MLST8: variants seen among roughly 807,000 people sequenced by gnomAD.
MLST8 encodes the protein MTOR associated protein MLST8.
A neutral mutation model predicts 41.3 loss-of-function variants in MLST8; 20 were observed. The ratio of observed to expected loss-of-function variants is 0.48; its 90% CI spans 0.34 to 0.70. The LOEUF is 0.70. MLST8 is among the 30% of genes least tolerant of loss of function. The pLI, the probability that MLST8 is intolerant of heterozygous loss-of-function variation, is 0.01. For missense variants in MLST8, 422 were observed against 454.3 expected (o/e 0.93, Z 0.65); for synonymous variants, 243 against 183.0 (o/e 1.33, Z -2.65).
intron 7 of MLST8, 51 bp from the exon 8 acceptor site, chr16:2,208,399 G>A (rs776991862): frequency 6.2e-7 from 1 of 1,608,146 alleles, no homozygotes; most frequent in Non-Finnish European, 8.5e-7. Context: ...GAGGGGAGGG[G>A]CTGCTGGATG....
intron 6 of MLST8, 168 bp downstream of exon 6, chr16:2,207,513 G>A (rs1001207212): frequency 1.7e-5 from 13 of 783,834 alleles, no homozygotes; most frequent in African/African-American, 1.4e-4. Context: ...TGTCGCTCCC[G>A]ATGGCTTAGT....
rs758520564 is a variant in MLST8, at chr16:2,209,389, C to CTGT, written c.*512_*513insTGT. ...AGTCTGGGAGGTAATAAAAGCAGAC[C>CTGT]GACACGCAGATGTTGCTCGGGAAGC... On this transcript the variant is annotated 3_prime_UTR_variant, in exon 9 of 9. Transcript: ENST00000569417. 6.2e-7 allele frequency: 1 copy of CTGT among 1,613,642 alleles called. No homozygotes were observed. Among genetic ancestry groups the CTGT allele is most frequent in the Non-Finnish European group, 8.5e-7 (1 of 1,179,862 alleles).
chr16:2,206,010 A>AGATC, intron 1 of MLST8, 21 bp from the exon 2 acceptor site: 1 of 1,515,218 alleles, frequency 6.6e-7, no homozygotes, highest in East Asian at 2.3e-5. Flanking sequence ...TCTTCTAAGT[A>AGATC]CTTCACATCC....
In MLST8 at chr16:2,206,116, G is replaced by T; in HGVS notation, c.31G>T (p.Asp11Tyr). 6.2e-7 allele frequency: 1 copy of T among 1,609,516 alleles called. No homozygotes were observed. Among genetic ancestry groups the T allele is most frequent in the South Asian group, 1.1e-5 (1 of 90,856 alleles). ...CACCTCCCCAGGCACGGTGGGCAGT[G>T]ACCCGGTCATCCTGGCCACTGCAGG... Reference protein sequence around the residue: MNTSPGTVGSDPVILATAGYD... With the variant: MNTSPGTVGSYPVILATAGYD... The change falls in exon 2 of 9, where the codon GAC (aspartate) becomes TAC (tyrosine). Residue 11 changes from aspartate (D) to tyrosine (Y), a missense_variant. Physicochemically the swap from Asp to Tyr is radical, Grantham distance 160. Coordinates refer to ENST00000569417, the MANE Select transcript of MLST8 (RefSeq NM_022372.6).
chr16:2,208,641 C>T (rs780675646), intron 8 of MLST8, 28 bp downstream of exon 8: 2 of 1,611,926 alleles, frequency 1.2e-6, no homozygotes, highest in Non-Finnish European at 1.7e-6. Context: ...CTCCCCCATC[C>T]CTGGCCCCCG....
chr16:2,206,367 G>A lies in MLST8; in HGVS notation c.139G>A (p.Ala47Thr), dbSNP rs1057489709. ...TVQHQDSQVN[A>T]LEVTPDRSMI... is the part of the protein sequence containing the mutation. ...TCCTTAACAGTCCCAGCAGGTGAAT[G>A]CCTTGGAGGTCACACCGGACCGCAG... Residue 47 changes from alanine (A) to threonine (T), a missense_variant, in exon 3 of 9, where the codon GCC (alanine) becomes ACC (threonine). Ala to Thr is a moderately conservative substitution (Grantham distance 58). Transcript: ENST00000569417. 6.2e-7 allele frequency: 1 copy of A among 1,613,964 alleles called. No individual in the cohort carries two copies. The highest frequency in any genetic ancestry group is 1.3e-5 in the African/African-American group (1 of 74,940).
At chr16:2,206,734 T>C in intron 4 of MLST8, 75 bp downstream of exon 4, 1 of 1,541,274 alleles carries the variant, frequency 6.5e-7, no homozygotes, top group Non-Finnish European at 8.9e-7. Context: ...TTGGGTTCTC[T>C]TCAAGCAGAG....
chr16:2,207,014 G>T, intron 4 of MLST8, 21 bp from the exon 5 acceptor site: 1 of 1,612,182 alleles, frequency 6.2e-7, no homozygotes, highest in Middle Eastern at 1.7e-4. Context: ...TGGACAGCAT[G>T]TGCCCCGGCC....
intron 6 of MLST8, chr16:2,207,877 C>T (rs1014585628): frequency 3.6e-6 from 1 of 274,666 alleles, no homozygotes; most frequent in Non-Finnish European, 6.9e-6. Flanking sequence ...GTACCTCTTG[C>T]CCCCGGATTT....
chr16:2,205,659 C>T (rs1415378512), intron 1 of MLST8, 147 bp downstream of exon 1: 6 of 987,386 alleles, frequency 6.1e-6, no homozygotes, highest in African/African-American at 5.2e-5. Context: ...CGCCCTTTCC[C>T]ATCAGGGCCT....
chr16:2,206,905 C>T lies in MLST8; in HGVS notation c.345-130C>T, dbSNP rs1429101737. On this transcript the variant is annotated intron_variant, in intron 4 of 8. Coordinates refer to ENST00000569417, the MANE Select transcript of MLST8 (RefSeq NM_022372.6). ...AGGCTCCCTGCTGGAGCAGAGGGCC[C>T]TGCGTCCCAAGTATTTCCCAAGAGG... 3.1e-6 allele frequency: 4 copies of T among 1,271,310 alleles called. No homozygotes were observed. The African/African-American group carries it at 4.4e-5, about 14-fold the overall frequency. The allele number at this position is 1,271,310 out of a possible 1,614,324, so 78.8% of individuals were successfully genotyped here. A position where few individuals can be genotyped will look rare whatever the true frequency, so the allele number is the denominator to read the frequency against.
At chr16:2,208,054 C>G in intron 6 of MLST8, 156 bp from the exon 7 acceptor site, 3 of 803,662 alleles carry the variant, frequency 3.7e-6, no homozygotes, top group Non-Finnish European at 5.6e-6. Context: ...CCAGGCTTCC[C>G]AGGTGCCTTC....
In MLST8 at chr16:2,208,969, C is replaced by T; in HGVS notation, c.*92C>T. 7.1e-7 allele frequency: 1 copy of T among 1,402,216 alleles called. No homozygotes were observed. The highest frequency in any genetic ancestry group is 9.9e-7 in the Non-Finnish European group (1 of 1,007,686). The allele number at this position is 1,402,216 out of a possible 1,614,324, so 86.9% of individuals were successfully genotyped here. On this transcript the variant is annotated 3_prime_UTR_variant, in exon 9 of 9. Coordinates refer to ENST00000569417, the MANE Select transcript of MLST8 (RefSeq NM_022372.6). Reference sequence around the variant, plus strand: ...TCAGAGCAGACCCTCCCCTGCCGGCCTGCGCCAGCTGGACCTGATGGCCCC... The same window carrying T: ...TCAGAGCAGACCCTCCCCTGCCGGCTTGCGCCAGCTGGACCTGATGGCCCC...
chr16:2,207,174 C>T lies in MLST8; in HGVS notation c.421-19C>T. 2 of 1,613,190 alleles carry T rather than the reference C, an allele frequency of 1.2e-6. No individual in the cohort carries two copies. Among genetic ancestry groups the T allele is most frequent in the Non-Finnish European group, 8.5e-7 (1 of 1,179,308 alleles). ...GGAGGGCTGGGCTTGGGCCCTGCCT[C>T]ACCACCCCTGCACCCCAGGCAGAGC... On this transcript the variant is annotated intron_variant, in intron 5 of 8. Transcript: ENST00000569417.
At position 2,208,430 on chromosome 16, in the gene MLST8, G is replaced by A. The variant is rs765509893; in HGVS notation, c.699-20G>A. On this transcript the variant is annotated intron_variant, in intron 7 of 8. Transcript: ENST00000569417. ...GGATGGAGTGGCTGCTGCTGGACACGCCCCATGCCCACCCACTAGGCTCCT... is the reference window on the plus strand; with the variant it reads ...GGATGGAGTGGCTGCTGCTGGACACACCCCATGCCCACCCACTAGGCTCCT... 29 of 1,610,956 alleles carry A rather than the reference G, an allele frequency of 1.8e-5. No individual in the cohort carries two copies. The highest frequency in any genetic ancestry group is 2.7e-5 in the African/African-American group (2 of 74,844).
intron 8 of MLST8, 28 bp downstream of exon 8, chr16:2,208,641 CCTGGCCCCCGGCG>C (rs2093345523): frequency 1.9e-6 from 3 of 1,611,926 alleles, no homozygotes; most frequent in Middle Eastern, 3.3e-4. Flanking sequence ...CTCCCCCATC[CCTGGCCCCCGGCG>C]CTGGCCTCCA....
rs767448333 is a variant in MLST8, at chr16:2,208,509, C to T, written c.758C>T (p.Ser253Phe). 6.8e-6 allele frequency: 11 copies of T among 1,613,252 alleles called. No homozygotes were observed. Among genetic ancestry groups the T allele is most frequent in the Non-Finnish European group, 6.8e-6 (8 of 1,179,918 alleles). The change falls in exon 8 of 9, where the codon TCC becomes TTC. Residue 253 changes from serine (S) to phenylalanine (F), a missense_variant. Ser to Phe is a radical substitution (Grantham distance 155). Coordinates refer to ENST00000569417, the MANE Select transcript of MLST8 (RefSeq NM_022372.6). ...TCKIWRTSNF[S>F]LMTELSIKSG... ...AAGATCTGGAGGACGTCCAACTTCT[C>T]CCTGATGACGGAGCTGAGCATCAAG...
intron 8 of MLST8, 48 bp from the exon 9 acceptor site, chr16:2,208,711 G>T: frequency 2.5e-6 from 4 of 1,613,396 alleles, no homozygotes; most frequent in Non-Finnish European, 3.4e-6. Context: ...GGGGCCGCCT[G>T]CTTGGCCTGC....
At position 2,206,024 on chromosome 16, in the gene MLST8, T is replaced by C. The variant is rs763457123; in HGVS notation, c.-55-7T>C. 1 of 1,521,018 alleles carries C rather than the reference T, an allele frequency of 6.6e-7. No homozygotes were observed. Among genetic ancestry groups the C allele is most frequent in the Admixed American group, 2.1e-5 (1 of 46,554 alleles). 94.2% of individuals were successfully genotyped at this position (1,521,018 alleles called of 1,614,324 possible). ...GTCTTCTAAGTACTTCACATCCTTC[T>C]CTGCAGATGCTCTGACCTTTGACCC... On this transcript the variant is annotated splice_region_variant and splice_polypyrimidine_tract_variant and intron_variant, in intron 1 of 8. Transcript: ENST00000569417.
Sources: gnomAD v4.1 joint callset for allele counts on GRCh38, gnomAD v4.1.1 for gene constraint, MANE v1.5 for transcripts, NCBI Gene and HGNC (gene_info 2026-07-23, HGNC 2026-07-21) for gene names.